The following UVRAG variants were observed in gnomAD, a reference collection of about 807,000 sequenced individuals.
UVRAG encodes the protein UV radiation resistance associated, also known as UV radiation resistance-associated gene protein.
Under a neutral mutation model 78.0 loss-of-function variants are expected in UVRAG, and 19 were observed. That is an observed-to-expected ratio of 0.24 (90% confidence interval 0.17 to 0.36). The LOEUF is 0.36. Among genes scored for constraint, UVRAG ranks in the 10% least tolerant of loss-of-function variants. UVRAG has a pLI of 1.00. For synonymous variants in UVRAG, 323 were observed against 324.6 expected (o/e 1.00, Z 0.05); for missense variants, 740 against 853.8 (o/e 0.87, Z 1.66).
chr11:75,948,833 G>A (rs1948630412), intron 6 of UVRAG, among the ~76,000 whole-genome samples: 1 of 152,144 alleles, frequency 6.6e-6, no homozygotes, highest in African/African-American at 2.4e-5. Context: ...AGATAAAGTG[G>A]TGAGGTACTA....
At chr11:75,947,845 T>C (rs763682843) in intron 6 of UVRAG, among the ~76,000 whole-genome samples, 7 of 152,150 alleles carry the variant, frequency 4.6e-5, no homozygotes, top group Non-Finnish European at 1.0e-4. Flanking sequence ...AAATGAAATA[T>C]CCATTTCAAG....
In UVRAG at chr11:76,143,596, C is replaced by T. The variant is rs1393703524; in HGVS notation, c.*2183C>T. ...AGCCCCGTGGTGATGCCTCAAAACA[C>T]CACTTAGGTTTGGGTTCGTTTAGTT... On this transcript the variant is annotated 3_prime_UTR_variant, in exon 15 of 15. Coordinates refer to ENST00000356136, the MANE Select transcript of UVRAG (RefSeq NM_003369.4). Among the ~76,000 whole-genome samples, 1 of 152,244 alleles carries T rather than the reference C, an allele frequency of 6.6e-6. No homozygotes were observed. The highest frequency in any genetic ancestry group is 1.5e-5 in the Non-Finnish European group (1 of 68,044).
In UVRAG at chr11:75,983,468, G is replaced by C; in HGVS notation, c.781G>C (p.Glu261Gln). Reference protein sequence around the residue: ...LERQKKALGREVALLHKQQIA... With the variant: ...LERQKKALGRQVALLHKQQIA... ...ACGGCAGAAGAAAGCTTTGGGACGGGAGGTGGCATTACTGCATAAGCAACA... is the reference window on the plus strand; with the variant it reads ...ACGGCAGAAGAAAGCTTTGGGACGGCAGGTGGCATTACTGCATAAGCAACA... The change falls in exon 8 of 15, where the codon GAG becomes CAG. Residue 261 changes from glutamate (E) to glutamine (Q), a missense_variant. Coordinates refer to ENST00000356136, the MANE Select transcript of UVRAG (RefSeq NM_003369.4). The C allele has an allele frequency of 6.2e-7, 1 of 1,611,254 alleles. No homozygotes were observed. The highest frequency in any genetic ancestry group is 8.5e-7 in the Non-Finnish European group (1 of 1,178,124).
intron 6 of UVRAG, among the ~76,000 whole-genome samples, chr11:75,959,423 TCTTTC>T (rs1379499807): frequency 6.6e-6 from 1 of 152,190 alleles, no homozygotes; most frequent in Non-Finnish European, 1.5e-5. Flanking sequence ...AGAGGTGGCT[TCTTTC>T]CTTAAACCTC....
intron 4 of UVRAG, among the ~76,000 whole-genome samples, chr11:75,884,240 T>TCTCTCTCTCTTTCTCTCTCTCTCTC (rs1555080662): frequency 2.3e-5 from 3 of 132,470 alleles, no homozygotes; most frequent in African/African-American, 6.4e-5. Context: ...CTCTCTCTCT[T>TCTCTCTCTCTTTCTCTCTCTCTCTC]TCTCTCTCTC....
intron 1 of UVRAG, among the ~76,000 whole-genome samples, chr11:75,844,738 T>G (rs1350592931): frequency 6.6e-6 from 1 of 151,664 alleles, no homozygotes; most frequent in African/African-American, 2.4e-5. Flanking sequence ...AGTGGTGCCA[T>G]CATGGCTCAC....
At chr11:75,933,018 A>G (rs1362607179) in intron 6 of UVRAG, among the ~76,000 whole-genome samples, 1 of 152,246 alleles carries the variant, frequency 6.6e-6, no homozygotes, top group Non-Finnish European at 1.5e-5. Flanking sequence ...CCTAAAATTT[A>G]TATGGAACCA....
intron 6 of UVRAG, among the ~76,000 whole-genome samples, chr11:75,951,215 T>C (rs1948689813): frequency 6.6e-6 from 1 of 152,126 alleles, no homozygotes; most frequent in South Asian, 2.1e-4. Context: ...TTAAGGTTCA[T>C]TTATTTCCTA....
At chr11:76,032,766 A>C (rs1950458824) in intron 12 of UVRAG, among the ~76,000 whole-genome samples, 1 of 152,200 alleles carries the variant, frequency 6.6e-6, no homozygotes, top group Non-Finnish European at 1.5e-5. Context: ...ACCCAGATGT[A>C]ATGAAACACG....
rs546319219 is a variant in UVRAG, at chr11:76,025,897, C to G, written c.1226+8917C>G. On this transcript the variant is annotated intron_variant, in intron 12 of 14. Transcript: ENST00000356136. ...CCAAACAGGTCCCCAAGTCTTATGA[C>G]CTGCGTTTTTTATTATTCTTGCAGC... 1.1e-3 allele frequency among the ~76,000 whole-genome samples: 160 copies of G among 152,114 alleles called. 2 individuals carry two copies. Among genetic ancestry groups the G allele is most frequent in the African/African-American group, 3.8e-3 (158 of 41,520 alleles).
chr11:75,912,197 T>A (rs866784647), intron 6 of UVRAG, among the ~76,000 whole-genome samples, 158 bp downstream of exon 6: 73 of 152,354 alleles, frequency 4.8e-4, no homozygotes, highest in African/African-American at 1.7e-3. Flanking sequence ...CTACAGTGAT[T>A]TAAATTTATC....
chr11:75,828,805 A>ATTTTTTTT (rs1251955061), intron 1 of UVRAG, among the ~76,000 whole-genome samples: 3 of 100,274 alleles, frequency 3.0e-5, no homozygotes, highest in South Asian at 6.4e-4. Flanking sequence ...ATATATATAT[A>ATTTTTTTT]TTTTTTTTTT....
At chr11:76,054,436 C>A (rs754227040) in intron 12 of UVRAG, among the ~76,000 whole-genome samples, 2 of 152,188 alleles carry the variant, frequency 1.3e-5, no homozygotes, top group Non-Finnish European at 2.9e-5. Flanking sequence ...AGCCATTAAA[C>A]CCTCCAGTGC....
At chr11:76,094,884 G>A (rs1481666978) in intron 13 of UVRAG, among the ~76,000 whole-genome samples, 1 of 151,942 alleles carries the variant, frequency 6.6e-6, no homozygotes, top group African/African-American at 2.4e-5. Context: ...TCTCATTAGG[G>A]AACACCTGAC....
chr11:75,898,645 TGATAG>T (rs1380416992), intron 5 of UVRAG, among the ~76,000 whole-genome samples: 4 of 152,214 alleles, frequency 2.6e-5, no homozygotes, highest in Admixed American at 6.5e-5. Context: ...AGAGGTGATG[TGATAG>T]AAGATTTTCA....
At chr11:76,023,713 A>C (rs577070677) in intron 12 of UVRAG, among the ~76,000 whole-genome samples, 8 of 152,166 alleles carry the variant, frequency 5.3e-5, no homozygotes, top group Non-Finnish European at 8.8e-5. Context: ...GGCCAAGGCA[A>C]GTCAAAAAGC....
At chr11:75,874,175 C>G (rs531551440) in intron 3 of UVRAG, among the ~76,000 whole-genome samples, 13 of 152,182 alleles carry the variant, frequency 8.5e-5, no homozygotes, top group Non-Finnish European at 1.6e-4. Flanking sequence ...TCCTTTTCTG[C>G]CTCTGGCTGT....
chr11:76,048,507 T>C (rs1459938097), intron 12 of UVRAG, among the ~76,000 whole-genome samples: 1 of 152,214 alleles, frequency 6.6e-6, no homozygotes, highest in African/African-American at 2.4e-5. Context: ...GATGTTTGCA[T>C]TGGTTGCTGT....
intron 13 of UVRAG, among the ~76,000 whole-genome samples, chr11:76,101,992 T>C (rs940325449): frequency 3.3e-5 from 5 of 152,192 alleles, no homozygotes; most frequent in Admixed American, 1.3e-4. Context: ...CCCTGTGATA[T>C]AGTTGTGAAG....
Sources: gnomAD v4.1 joint callset for allele counts (sites outside exome capture counted in the v4.1 genomes callset) on GRCh38, gnomAD v4.1.1 for gene constraint, MANE v1.5 for transcripts, NCBI Gene and HGNC (gene_info 2026-07-23, HGNC 2026-07-21) for gene names.